RPS6KB1: variants seen among roughly 807,000 people sequenced by gnomAD.
RPS6KB1 encodes the protein ribosomal protein S6 kinase beta-1.
In RPS6KB1, 12 loss-of-function variants were observed where a neutral mutation model predicts 70.2. The observed-to-expected ratio is 0.17, with a 90% CI of 0.11 to 0.28. The LOEUF is 0.28. Ranked by LOEUF, RPS6KB1 falls within the 10% of genes least tolerant of loss-of-function variation. The probability of loss-of-function intolerance (pLI) is 1.00; values close to 1 mark genes in which losing one functional copy is unlikely to be tolerated. For missense variants in RPS6KB1, 270 were observed against 646.6 expected (o/e 0.42, Z 6.32); for synonymous variants, 175 against 211.2 (o/e 0.83, Z 1.49).
chr17:59,912,738 G>A lies in RPS6KB1; in HGVS notation c.246G>A (p.Gly82=), dbSNP rs1368777467. 1.2e-5 allele frequency: 19 copies of A among 1,613,964 alleles called. No homozygotes were observed. In the East Asian group the frequency reaches 4.0e-4, roughly 34 times the overall value. ...FEISETSVNR[G]PEKIRPECFE... ...TCTCAGAAACTAGTGTGAACAGAGG[G>A]CCAGAAAAAATCAGACCAGAATGTT... Residue 82 remains glycine, a synonymous_variant, in exon 3 of 15, where the codon GGG becomes GGA. Coordinates refer to ENST00000225577, the MANE Select transcript of RPS6KB1 (RefSeq NM_003161.4).
intron 1 of RPS6KB1, among the ~76,000 whole-genome samples, chr17:59,902,307 G>C (rs1235153999): frequency 2.0e-5 from 3 of 151,826 alleles, no homozygotes; most frequent in Non-Finnish European, 4.4e-5. Context: ...GTTTTGCCAT[G>C]TTAGCCAGGC....
chr17:59,915,794 T>A (rs891831482), intron 4 of RPS6KB1, among the ~76,000 whole-genome samples: 22 of 134,456 alleles, frequency 1.6e-4, no homozygotes, highest in Non-Finnish European at 3.0e-4. Context: ...TTTTTTTTTT[T>A]TTTTTATTGT....
chr17:59,904,731 C>G (rs1005882836), intron 1 of RPS6KB1, among the ~76,000 whole-genome samples: 1 of 144,086 alleles, frequency 6.9e-6, no homozygotes, highest in African/African-American at 2.6e-5. Flanking sequence ...GAGTCTCGCT[C>G]TGTTGCCCAG....
At chr17:59,938,341 C>G (rs1195612411) in intron 12 of RPS6KB1, among the ~76,000 whole-genome samples, 1 of 151,582 alleles carries the variant, frequency 6.6e-6, no homozygotes, top group African/African-American at 2.4e-5. Context: ...TAAATTTTTT[C>G]TAGAGATGAG....
At chr17:59,938,699 T>TTG (rs58751297) in intron 12 of RPS6KB1, among the ~76,000 whole-genome samples, 22,590 of 137,924 alleles carry the variant, frequency 0.16, 1,877 homozygotes, top group South Asian at 0.2. Flanking sequence ...AATGTGTAGT[T>TTG]TGTGTGTGTG....
intron 7 of RPS6KB1, among the ~76,000 whole-genome samples, chr17:59,932,142 C>CA (rs1372582930): frequency 6.6e-6 from 1 of 151,916 alleles, no homozygotes; most frequent in African/African-American, 2.4e-5. Flanking sequence ...CAGTGGCTGA[C>CA]ACCTGTAATC....
At chr17:59,901,625 G>GAAAAAA (rs58530265) in intron 1 of RPS6KB1, among the ~76,000 whole-genome samples, 1 of 79,192 alleles carries the variant, frequency 1.3e-5, no homozygotes, top group African/African-American at 5.7e-5. Context: ...CCCTGTCTCT[G>GAAAAAA]AAAAAAAAAA....
intron 3 of RPS6KB1, 107 bp downstream of exon 3, chr17:59,912,911 A>T: frequency 8.1e-7 from 1 of 1,235,274 alleles, no homozygotes; most frequent in South Asian, 1.3e-5. Flanking sequence ...TCAGCAAAGG[A>T]TGTGATCATG....
rs1247177695 is a variant in RPS6KB1, at chr17:59,946,953, C to G, written c.*165C>G. 8.3e-6 allele frequency: 12 copies of G among 1,452,236 alleles called. No homozygotes were observed. The highest frequency in any genetic ancestry group is 1.1e-5 in the Non-Finnish European group (12 of 1,106,050). 90.0% of individuals were successfully genotyped at this position (1,452,236 alleles called of 1,614,324 possible). A position where few individuals can be genotyped will look rare whatever the true frequency, so the allele number is the denominator to read the frequency against. On this transcript the variant is annotated 3_prime_UTR_variant, in exon 15 of 15. Transcript: ENST00000225577. This position sits in a 1 kb window ranked among gnomAD's most constrained non-coding sequence, Gnocchi z 4.2. ...TAAACGTGGATTTTAAAAAATCAAT[C>G]AATGGTGCAAAAAAAAACTTAAAGC...
chr17:59,904,466 T>C (rs1313140623), intron 1 of RPS6KB1, among the ~76,000 whole-genome samples: 2 of 151,592 alleles, frequency 1.3e-5, no homozygotes, highest in Admixed American at 6.6e-5. Context: ...CCATCTCTGC[T>C]CACTGCAACC....
chr17:59,912,726 T>C lies in RPS6KB1; in HGVS notation c.234T>C (p.Ser78=), dbSNP rs1279200685. ...AGAAATTTGAAATCTCAGAAACTAG[T>C]GTGAACAGAGGGCCAGAAAAAATCA... ...HCEKFEISET[S]VNRGPEKIRP... The change falls in exon 3 of 15, where the codon AGT becomes AGC. Residue 78 remains serine (S), a synonymous_variant. Transcript: ENST00000225577. 1 of 1,614,018 alleles carries C rather than the reference T, an allele frequency of 6.2e-7. No homozygotes were observed. Among genetic ancestry groups the C allele is most frequent in the Non-Finnish European group, 8.5e-7 (1 of 1,179,926 alleles).
chr17:59,903,216 A>G (rs191080572), intron 1 of RPS6KB1, among the ~76,000 whole-genome samples: 41 of 152,094 alleles, frequency 2.7e-4, no homozygotes, highest in African/African-American at 8.4e-4. Flanking sequence ...TGAGGCAAAG[A>G]ATTGCTTGAA....
chr17:59,929,359 A>G (rs2043808623), intron 5 of RPS6KB1, among the ~76,000 whole-genome samples: 1 of 152,184 alleles, frequency 6.6e-6, no homozygotes, highest in Non-Finnish European at 1.5e-5. Flanking sequence ...TCGGCCTCCC[A>G]AAGTGTAGGG....
At chr17:59,921,310 C>T (rs1278668934) in intron 4 of RPS6KB1, among the ~76,000 whole-genome samples, 3 of 151,984 alleles carry the variant, frequency 2.0e-5, no homozygotes, top group Non-Finnish European at 4.4e-5. Context: ...TTTTCTTAAT[C>T]CTGGCTAGAG....
At chr17:59,921,755 G>A (rs1470907758) in intron 4 of RPS6KB1, among the ~76,000 whole-genome samples, 1 of 151,382 alleles carries the variant, frequency 6.6e-6, no homozygotes, top group Admixed American at 6.6e-5. Flanking sequence ...AATATACCAT[G>A]GAAGCAAAAT....
intron 1 of RPS6KB1, among the ~76,000 whole-genome samples, chr17:59,898,640 A>G (rs1380407399): frequency 2.0e-5 from 3 of 151,624 alleles, no homozygotes; most frequent in Non-Finnish European, 4.4e-5. Context: ...TTTTTTTGGT[A>G]GAGACGGGGT....
intron 1 of RPS6KB1, among the ~76,000 whole-genome samples, chr17:59,903,828 T>A (rs998183720): frequency 6.6e-6 from 1 of 152,218 alleles, no homozygotes; most frequent in Non-Finnish European, 1.5e-5. Flanking sequence ...TTATTGTTCA[T>A]TTGTATATTT....
At chr17:59,924,611 C>CT (rs1220855437) in intron 4 of RPS6KB1, among the ~76,000 whole-genome samples, 2 of 151,590 alleles carry the variant, frequency 1.3e-5, no homozygotes, top group Admixed American at 1.3e-4. Context: ...TCTCAAAAGT[C>CT]TTATTTCTTT....
chr17:59,935,197 C>T lies in RPS6KB1; in HGVS notation c.875C>T (p.Pro292Leu). Reference sequence around the variant, plus strand: ...TCACTTGTCTTCTACTCTTAGCCCCCATTCACTGGGGAGAATAGAAAGAAA... The same window carrying T: ...TCACTTGTCTTCTACTCTTAGCCCCTATTCACTGGGGAGAATAGAAAGAAA... ...LMYDMLTGAP[P>L]FTGENRKKTI... The change falls in exon 10 of 15, where the codon CCA becomes CTA. Residue 292 changes from proline to leucine, a missense_variant. Pro to Leu is a moderately conservative substitution (Grantham distance 98). Around this residue, in one of 4 missense-constraint regions of RPS6KB1, gnomAD observed 133 missense variants for 314.7 expected, o/e 0.42. Coordinates refer to ENST00000225577, the MANE Select transcript of RPS6KB1 (RefSeq NM_003161.4). 1 of 1,599,026 alleles carries T rather than the reference C, an allele frequency of 6.3e-7. No homozygotes were observed. The highest frequency in any genetic ancestry group is 1.1e-5 in the South Asian group (1 of 90,372).
Sources: allele counts gnomAD v4.1 joint callset (sites outside exome capture counted in the v4.1 genomes callset), GRCh38; gene constraint gnomAD v4.1.1; regional missense constraint gnomAD v4.1.1; non-coding constraint Gnocchi (gnomAD v3.1); transcripts MANE v1.5; gene names NCBI Gene and HGNC (gene_info 2026-07-23, HGNC 2026-07-21).